Variants in FCGR2B observed in about 807,000 individuals in gnomAD.
FCGR2B encodes the protein Fc gamma receptor IIb.
A neutral mutation model predicts 24.8 loss-of-function variants in FCGR2B; 18 were observed. That is an observed-to-expected ratio of 0.73 (90% CI 0.50 to 1.08). The LOEUF is 1.08. FCGR2B is among the 50% of genes least tolerant of loss of function. The pLI, the probability that FCGR2B is intolerant of heterozygous loss-of-function variation, is 0.00. For missense variants in FCGR2B, 215 were observed against 297.6 expected (o/e 0.72, Z 2.04); for synonymous variants, 79 against 109.8 (o/e 0.72, Z 1.75).
the FCGR2B span, among the ~76,000 whole-genome samples, chr1:161,653,020 T>G: frequency 4.5e-5 from 6 of 134,254 alleles, 1 homozygote; most frequent in African/African-American, 1.5e-4. Context: ...CAGAGTACTT[T>G]TGCTTCTTAT....
intron 3 of FCGR2B, chr1:161,672,592 C>T: frequency 9.3e-6 from 3 of 323,192 alleles, no homozygotes; most frequent in Non-Finnish European, 1.7e-5. Flanking sequence ...TTCTTCCTTC[C>T]CTCCTCGACA....
At chr1:161,648,995 G>A in the FCGR2B span, among the ~76,000 whole-genome samples, 460 of 150,978 alleles carry the variant, frequency 3.0e-3, 22 homozygotes, top group Middle Eastern at 0.027. Context: ...GTATATTTGG[G>A]AGATTAATGA....
the FCGR2B span, among the ~76,000 whole-genome samples, chr1:161,653,459 A>G: frequency 2.6e-4 from 35 of 134,894 alleles, 1 homozygote; most frequent in Non-Finnish European, 3.8e-4. Flanking sequence ...TAAAGAGAGA[A>G]ATCTAACATG....
chr1:161,671,464 T>C lies in FCGR2B; in HGVS notation c.206T>C (p.Leu69Pro). ...INVLQEDSVTLTCRGTHSPES... is the reference protein window; with the variant it reads ...INVLQEDSVTPTCRGTHSPES... ...GTGCTCCAGGAGGACTCTGTGACTCTGACATGCCGGGGGACTCACAGCCCT... is the reference window on the plus strand; with the variant it reads ...GTGCTCCAGGAGGACTCTGTGACTCCGACATGCCGGGGGACTCACAGCCCT... Residue 69 changes from leucine to proline, a missense_variant, in exon 3 of 8, where the codon CTG becomes CCG. This residue lies in a region of FCGR2B where 77 missense variants were observed against 68.8 expected (regional missense o/e 1.12). Transcript: ENST00000358671. 6.2e-7 allele frequency: 1 copy of C among 1,614,198 alleles called. No homozygotes were observed. The highest frequency in any genetic ancestry group is 8.5e-7 in the Non-Finnish European group (1 of 1,180,036).
the FCGR2B span, among the ~76,000 whole-genome samples, chr1:161,647,297 CTT>C: frequency 5.7e-4 from 70 of 122,516 alleles, 1 homozygote; most frequent in Admixed American, 1.6e-3. Flanking sequence ...GCTCTGGACT[CTT>C]TTTTTTTTTT....
chr1:161,669,579 T>G (rs1235754770), intron 1 of FCGR2B, among the ~76,000 whole-genome samples: 2 of 71,258 alleles, frequency 2.8e-5, no homozygotes, highest in Admixed American at 1.7e-4. Context: ...CCCCACAAAA[T>G]AAAATAAAAT....
intron 6 of FCGR2B, 169 bp from the exon 7 acceptor site, chr1:161,677,159 C>A: frequency 1.5e-6 from 1 of 685,108 alleles, no homozygotes; most frequent in Non-Finnish European, 2.6e-6. Context: ...CCCTATGCAT[C>A]GATCAATGAG....
the FCGR2B span, among the ~76,000 whole-genome samples, chr1:161,649,806 G>A: frequency 6.7e-6 from 1 of 149,564 alleles, no homozygotes; most frequent in Non-Finnish European, 1.5e-5. Flanking sequence ...GAAAACCAAG[G>A]CATGGGGAAA....
intron 4 of FCGR2B, chr1:161,673,533 A>T (rs764242476): frequency 1.2e-5 from 9 of 730,912 alleles, no homozygotes; most frequent in Non-Finnish European, 2.2e-5. Flanking sequence ...GCTCCTGGGC[A>T]TTCCTAAGAA....
intron 6 of FCGR2B, 39 bp from the exon 7 acceptor site, chr1:161,677,289 C>T: frequency 6.2e-7 from 1 of 1,608,578 alleles, no homozygotes; most frequent in Non-Finnish European, 8.5e-7. Flanking sequence ...CCCTCTTCTC[C>T]AGCAGTGCTC....
At chr1:161,651,088 A>ATG in the FCGR2B span, among the ~76,000 whole-genome samples, 1 of 115,176 alleles carries the variant, frequency 8.7e-6, no homozygotes, top group Non-Finnish European at 1.9e-5. Context: ...GATGAAACAG[A>ATG]TGGTGAATGA....
Position 161,675,786 on chromosome 1 carries a change from G to T in FCGR2B, c.817+473G>T, listed in dbSNP as rs1194908191. On this transcript the variant is annotated intron_variant, in intron 6 of 7. Transcript: ENST00000358671. ...TGGAGGGATGGGGTGGAGTGGCCAG[G>T]CTCAGCTGTCTGTGGAACACTAGGA... 3 of 235,550 alleles carry T rather than the reference G, an allele frequency of 1.3e-5. No individual in the cohort carries two copies. The East Asian group carries it at 1.8e-4, about 14-fold the overall frequency. The allele number at this position is 235,550 out of a possible 1,614,324, so 14.6% of individuals were successfully genotyped here.
At chr1:161,656,012 C>A in the FCGR2B span, among the ~76,000 whole-genome samples, 3 of 131,846 alleles carry the variant, frequency 2.3e-5, no homozygotes, top group African/African-American at 7.8e-5. Flanking sequence ...CGTGCCACAA[C>A]CCCTGGCTAA....
upstream of FCGR2B, among the ~76,000 whole-genome samples, chr1:161,661,185 GAAAGGAAAGAAAGAAAGAAA>G (rs1384236093): frequency 1.4e-5 from 1 of 72,808 alleles, no homozygotes; most frequent in Non-Finnish European, 2.5e-5. Context: ...AAGGAAGGAA[GAAAGGAAAGAAAGAAAGAAA>G]GAAAGAAAGA....
At chr1:161,650,451 C>G in the FCGR2B span, among the ~76,000 whole-genome samples, 1,329 of 137,334 alleles carry the variant, frequency 9.7e-3, 95 homozygotes, top group East Asian at 0.021. Flanking sequence ...AAGCAAGGCT[C>G]TCATTCTCAG....
At chr1:161,672,685 G>A in intron 3 of FCGR2B, 1 of 488,562 alleles carries the variant, frequency 2.0e-6, no homozygotes, top group Non-Finnish European at 3.6e-6. Flanking sequence ...TGCCTTCCTG[G>A]GAGAAGGAGG....
intron 2 of FCGR2B, among the ~76,000 whole-genome samples, chr1:161,670,732 G>T (rs7519636): frequency 0.051 from 4,071 of 79,102 alleles, 120 homozygotes; most frequent in African/African-American, 0.069. Flanking sequence ...CACTTTGCCG[G>T]GCACTTCTGT....
At chr1:161,649,191 C>T in the FCGR2B span, among the ~76,000 whole-genome samples, 1 of 150,776 alleles carries the variant, frequency 6.6e-6, no homozygotes, top group Non-Finnish European at 1.5e-5. Context: ...TCAGATACAA[C>T]CGTAATATTA....
chr1:161,656,117 A>G, the FCGR2B span, among the ~76,000 whole-genome samples: 1 of 127,794 alleles, frequency 7.8e-6, no homozygotes, highest in Admixed American at 8.3e-5. Context: ...TCGGCCTCCC[A>G]AAGTGCTGGG....
Sources: allele counts gnomAD v4.1 joint callset (sites outside exome capture counted in the v4.1 genomes callset), GRCh38; gene constraint gnomAD v4.1.1; regional missense constraint gnomAD v4.1.1; transcripts MANE v1.5; gene names NCBI Gene and HGNC (gene_info 2026-07-23, HGNC 2026-07-21).